CDCA7L: variants seen among roughly 807,000 people sequenced by gnomAD.
CDCA7L encodes cell division cycle-associated 7-like protein.
A neutral mutation model predicts 57.4 loss-of-function variants in CDCA7L; 44 were observed. The ratio of observed to expected loss-of-function variants is 0.77; its 90% CI spans 0.60 to 0.98. CDCA7L has a LOEUF of 0.98. Among genes scored for constraint, CDCA7L ranks in the 50% least tolerant of loss-of-function variants. CDCA7L has a pLI of 0.00. For synonymous variants in CDCA7L, 236 were observed against 202.8 expected, an observed-to-expected ratio of 1.16 and a Z score of -1.39; for missense variants, 644 against 580.6, an observed-to-expected ratio of 1.11 and a Z score of -1.12.
At position 21,901,117 on chromosome 7, in the gene CDCA7L, A is replaced by G. The variant is rs767116529; in HGVS notation, c.*1205T>C. ...AGCCACCCCCGTGGACAGACAAGAAACCAAACAGACCTACGAGTGCCCTGT... is the reference window on the plus strand; with the variant it reads ...AGCCACCCCCGTGGACAGACAAGAAGCCAAACAGACCTACGAGTGCCCTGT... On this transcript the variant is annotated 3_prime_UTR_variant, in exon 10 of 10. Transcript: ENST00000406877. 2 of 1,613,312 alleles carry G rather than the reference A, an allele frequency of 1.2e-6. No individual in the cohort carries two copies. Among genetic ancestry groups the G allele is most frequent in the Non-Finnish European group, 1.7e-6 (2 of 1,179,424 alleles).
At chr7:21,935,698 C>T (rs1407065985) in intron 1 of CDCA7L, among the ~76,000 whole-genome samples, 2 of 152,062 alleles carry the variant, frequency 1.3e-5, no homozygotes, top group Admixed American at 6.6e-5. Context: ...TTGGACATTA[C>T]TACCAATTTT....
chr7:21,922,919 A>G (rs1785702763), intron 1 of CDCA7L, among the ~76,000 whole-genome samples: 1 of 152,206 alleles, frequency 6.6e-6, no homozygotes, highest in Non-Finnish European at 1.5e-5. Context: ...CAGTCTCGAT[A>G]AAACCAAGAA....
intron 9 of CDCA7L, chr7:21,902,685 C>G: frequency 2.1e-6 from 1 of 475,556 alleles, no homozygotes; most frequent in Non-Finnish European, 3.7e-6. Flanking sequence ...TCTTTCCCCT[C>G]AGCCTGCCTT....
At chr7:21,903,956 T>C in intron 8 of CDCA7L, 154 bp downstream of exon 8, 1 of 620,918 alleles carries the variant, frequency 1.6e-6, no homozygotes, top group Non-Finnish European at 2.5e-6. Context: ...GGAATCCCTA[T>C]TTTTCATTTT....
At position 21,917,187 on chromosome 7, in the gene CDCA7L, T is replaced by C. The variant is rs1050788327; in HGVS notation, c.25-293A>G. ...TTTGATCTCTTGACAAAAAGAAAAA[T>C]TGTTTCTAAGAACCAATGATCTCTT... On this transcript the variant is annotated intron_variant, in intron 1 of 9. Coordinates refer to ENST00000406877, the MANE Select transcript of CDCA7L (RefSeq NM_018719.5). Among the ~76,000 whole-genome samples the C allele has an allele frequency of 3.3e-5, 5 of 152,028 alleles. No individual in the cohort carries two copies. In the East Asian group the frequency reaches 9.6e-4, roughly 29 times the overall value.
intron 1 of CDCA7L, 22 bp downstream of exon 1, chr7:21,945,759 C>T (rs1422072744): frequency 4.4e-6 from 7 of 1,598,874 alleles, no homozygotes; most frequent in Non-Finnish European, 6.0e-6. Context: ...GTCCGGACGG[C>T]GGCGGGCGGC....
In CDCA7L at chr7:21,903,217, T is replaced by TTAATCACA. The variant is rs1732700214; in HGVS notation, c.1198-111_1198-104dup. ...GCTCAGCTGGCCTCTCCTCCAACCT[T>TTAATCACA]TAATCACATGGCATCTTTCAGTCTA... On this transcript the variant is annotated intron_variant, in intron 8 of 9. Coordinates refer to ENST00000406877, the MANE Select transcript of CDCA7L (RefSeq NM_018719.5). The TTAATCACA allele has an allele frequency of 4.6e-6, 5 of 1,096,310 alleles. No homozygotes were observed. In the Admixed American group the frequency reaches 1.2e-4, roughly 26 times the overall value. 67.9% of individuals were successfully genotyped at this position (1,096,310 alleles called of 1,614,324 possible). A position where few individuals can be genotyped will look rare whatever the true frequency, so the allele number is the denominator to read the frequency against.
rs188570719 is a variant in CDCA7L, at chr7:21,909,590, T to C, written c.304-1083A>G. ...CACCAAGCCAAGTGAGGAGTAAGAC[T>C]ATATGGCACTGATTTATCTATTTTT... On this transcript the variant is annotated intron_variant, in intron 3 of 9. Transcript: ENST00000406877. 2.8e-3 allele frequency among the ~76,000 whole-genome samples: 419 copies of C among 152,278 alleles called. 4 individuals carry two copies. The highest frequency in any genetic ancestry group is 6.8e-4 in the Non-Finnish European group (46 of 68,028).
intron 1 of CDCA7L, chr7:21,940,354 G>C: frequency 4.2e-6 from 4 of 963,230 alleles, no homozygotes; most frequent in Non-Finnish European, 4.9e-6. Flanking sequence ...TTAATTAAAA[G>C]AGTATATTAC....
chr7:21,925,988 C>T (rs185463841), intron 1 of CDCA7L, among the ~76,000 whole-genome samples: 17 of 152,238 alleles, frequency 1.1e-4, no homozygotes, highest in African/African-American at 4.1e-4. Flanking sequence ...CCTGTAGTCC[C>T]AGCTACTTAG....
intron 1 of CDCA7L, among the ~76,000 whole-genome samples, chr7:21,925,120 GGGCAAAGATCT>G (rs1302073093): frequency 6.6e-6 from 1 of 151,912 alleles, no homozygotes; most frequent in Non-Finnish European, 1.5e-5. Context: ...AAAAAAGGTA[GGGCAAAGATCT>G]GACAAAAATA....
chr7:21,904,041 G>A (rs1785045574), intron 8 of CDCA7L, 69 bp downstream of exon 8: 2 of 1,440,196 alleles, frequency 1.4e-6, no homozygotes, highest in African/African-American at 2.8e-5. Context: ...TGAGAACCCA[G>A]GAGGCCCATC....
Position 21,902,240 on chromosome 7 carries a change from A to AAAATCTTTCTTAGTCACCAATG in CDCA7L, c.*81_*82insCATTGGTGACTAAGAAAGATTT. The stretch of plus-strand genomic sequence containing the variant: ...TTCTGTATAAAAACACAACTGTAAA[A>AAAATCTTTCTTAGTCACCAATG]AAATCTTTCTTAGGCACCAATGGTA... On this transcript the variant is annotated 3_prime_UTR_variant, in exon 10 of 10. Transcript: ENST00000406877. 9.0e-7 allele frequency: 1 copy of AAAATCTTTCTTAGTCACCAATG among 1,111,708 alleles called. No individual in the cohort carries two copies. The highest frequency in any genetic ancestry group is 1.3e-6 in the Non-Finnish European group (1 of 763,904). 68.9% of individuals were successfully genotyped at this position (1,111,708 alleles called of 1,614,324 possible). A position where few individuals can be genotyped will look rare whatever the true frequency, so the allele number is the denominator to read the frequency against.
intron 1 of CDCA7L, among the ~76,000 whole-genome samples, chr7:21,935,824 TG>T (rs1786145611): frequency 1.3e-5 from 2 of 152,094 alleles, no homozygotes; most frequent in South Asian, 4.1e-4. Context: ...CTGGCCAAGA[TG>T]GTGAAACCCC....
intron 1 of CDCA7L, among the ~76,000 whole-genome samples, chr7:21,925,102 A>T (rs924739626): frequency 2.0e-5 from 3 of 152,160 alleles, no homozygotes; most frequent in Admixed American, 2.0e-4. Context: ...AAAACAAACA[A>T]ACAAACAAAA....
chr7:21,932,551 A>G (rs1583873100), intron 1 of CDCA7L, among the ~76,000 whole-genome samples: 1 of 152,214 alleles, frequency 6.6e-6, no homozygotes, highest in Non-Finnish European at 1.5e-5. Flanking sequence ...AGCAGTGGGG[A>G]AAGGATTCCC....
At chr7:21,912,231 C>T (rs1583851030) in intron 2 of CDCA7L, among the ~76,000 whole-genome samples, 1 of 152,234 alleles carries the variant, frequency 6.6e-6, no homozygotes, top group East Asian at 1.9e-4. Context: ...GCACTCCAGC[C>T]TGCGTTGCAG....
chr7:21,900,916 G>A lies in CDCA7L; in HGVS notation c.*1406C>T. 1.4e-6 allele frequency: 2 copies of A among 1,463,298 alleles called. No individual in the cohort carries two copies. The highest frequency in any genetic ancestry group is 4.7e-5 in the East Asian group (2 of 42,586). 90.6% of individuals were successfully genotyped at this position (1,463,298 alleles called of 1,614,324 possible). A position where few individuals can be genotyped will look rare whatever the true frequency, so the allele number is the denominator to read the frequency against. Reference sequence around the variant, plus strand: ...AGCAAAAATATGACAAAACCAGAATGTTGAATGTTTATTGCATCAAACAAC... The same window carrying A: ...AGCAAAAATATGACAAAACCAGAATATTGAATGTTTATTGCATCAAACAAC... On this transcript the variant is annotated 3_prime_UTR_variant, in exon 10 of 10. Coordinates refer to ENST00000406877, the MANE Select transcript of CDCA7L (RefSeq NM_018719.5).
intron 2 of CDCA7L, among the ~76,000 whole-genome samples, chr7:21,913,821 T>A (rs116392580): frequency 6.6e-6 from 1 of 152,182 alleles, no homozygotes; most frequent in Non-Finnish European, 1.5e-5. Flanking sequence ...TCAGTCCTGA[T>A]AGAGAAAAAC....
Sources: gnomAD v4.1 joint callset for allele counts (sites outside exome capture counted in the v4.1 genomes callset) on GRCh38, gnomAD v4.1.1 for gene constraint, MANE v1.5 for transcripts, NCBI Gene and HGNC (gene_info 2026-07-23, HGNC 2026-07-21) for gene names.